Variants in CLVS1 observed in about 807,000 individuals in gnomAD.
The protein encoded by CLVS1 is clavesin 1, also known as clavesin-1.
Under a neutral mutation model 33.1 loss-of-function variants are expected in CLVS1, and 10 were observed. The observed-to-expected ratio is 0.30, with a 90% CI of 0.19 to 0.51. The LOEUF (loss-of-function observed/expected upper bound fraction) is 0.51. Ranked by LOEUF, CLVS1 falls within the 20% of genes least tolerant of loss-of-function variation. CLVS1 has a pLI of 0.97. For missense variants in CLVS1, 343 were observed against 433.4 expected (o/e 0.79, Z 1.85); for synonymous variants, 163 against 166.1 (o/e 0.98, Z 0.14).
At chr8:61,402,009 T>A (rs1283860358) in intron 3 of CLVS1, among the ~76,000 whole-genome samples, 1 of 152,124 alleles carries the variant, frequency 6.6e-6, no homozygotes, top group Non-Finnish European at 1.5e-5. Context: ...AAATTTCTTA[T>A]AGGCAAGGGC....
intron 5 of CLVS1, among the ~76,000 whole-genome samples, chr8:61,466,749 G>A (rs544053132): frequency 6.6e-6 from 1 of 152,176 alleles, no homozygotes; most frequent in South Asian, 2.1e-4. Flanking sequence ...CCGGGTTCAA[G>A]TGATTCTGCT....
chr8:61,327,869 T>C (rs1811441439), intron 2 of CLVS1, among the ~76,000 whole-genome samples: 1 of 152,170 alleles, frequency 6.6e-6, no homozygotes, highest in African/African-American at 2.4e-5. Context: ...TCAATCTGTA[T>C]GGATTCAATA....
chr8:60,999,799 C>A, the CLVS1 span, among the ~76,000 whole-genome samples: 1 of 152,176 alleles, frequency 6.6e-6, no homozygotes, highest in Non-Finnish European at 1.5e-5. Context: ...GGCTGTATAG[C>A]AGTACTCTTG....
chr8:61,121,098 G>A (rs1243448475), intron 1 of CLVS1, among the ~76,000 whole-genome samples: 2 of 151,836 alleles, frequency 1.3e-5, no homozygotes, highest in East Asian at 1.9e-4. Context: ...TAAGCCCGTG[G>A]GAAAAGCGCA....
intron 3 of CLVS1, among the ~76,000 whole-genome samples, chr8:61,423,016 C>A (rs1258032470): frequency 1.3e-5 from 2 of 152,158 alleles, no homozygotes; most frequent in African/African-American, 4.8e-5. Context: ...GAATGGACTG[C>A]TATTAGACTT....
At chr8:61,347,629 TATA>T (rs1812268586) in intron 2 of CLVS1, among the ~76,000 whole-genome samples, 14 of 544 alleles carry the variant, frequency 0.026, no homozygotes, top group Admixed American at 0.06. Context: ...CATTCCATTA[TATA>T]TATATATATA....
At chr8:61,116,082 T>C (rs1225560306) in intron 1 of CLVS1, among the ~76,000 whole-genome samples, 4 of 151,582 alleles carry the variant, frequency 2.6e-5, no homozygotes, top group African/African-American at 7.3e-5. Flanking sequence ...TGGTGTGAGA[T>C]GGTATCTCAT....
In CLVS1 at chr8:61,300,104, C is replaced by G; in HGVS notation, c.277C>G (p.Leu93Val). Residue 93 changes from leucine to valine, a missense_variant, in exon 2 of 6, where the codon CTC becomes GTC. Around this residue, in one of 4 missense-constraint regions of CLVS1, gnomAD observed 166 missense variants for 244.0 expected, o/e 0.68. Coordinates refer to ENST00000325897, the MANE Select transcript of CLVS1 (RefSeq NM_173519.3). Reference sequence around the variant, plus strand: ...GTTTCACCAAGCGGATGCCTTTAGACTCCTGGCTCAGTATTTCCAGTACCG... The same window carrying G: ...GTTTCACCAAGCGGATGCCTTTAGAGTCCTGGCTCAGTATTTCCAGTACCG... ...RKFHQADAFR[L>V]LAQYFQYRQL... is the part of the protein sequence containing the mutation. 1 of 1,614,034 alleles carries G rather than the reference C, an allele frequency of 6.2e-7. No individual in the cohort carries two copies. Among genetic ancestry groups the G allele is most frequent in the Non-Finnish European group, 8.5e-7 (1 of 1,179,978 alleles).
At chr8:61,077,174 C>T (rs1301487346) in intron 1 of CLVS1, among the ~76,000 whole-genome samples, 1 of 149,828 alleles carries the variant, frequency 6.7e-6, no homozygotes, top group African/African-American at 2.5e-5. Context: ...CCAGAGTTCA[C>T]GCCATTCTCC....
intron 2 of CLVS1, among the ~76,000 whole-genome samples, chr8:61,188,252 A>C (rs897474361): frequency 2.0e-5 from 3 of 152,204 alleles, no homozygotes; most frequent in African/African-American, 7.2e-5. Context: ...TCTTGAATTT[A>C]AATTAAGTTG....
At chr8:61,467,316 C>T (rs1409095021) in intron 5 of CLVS1, among the ~76,000 whole-genome samples, 1 of 152,152 alleles carries the variant, frequency 6.6e-6, no homozygotes, top group Non-Finnish European at 1.5e-5. Context: ...TGTTCTCAGA[C>T]GCGTCCTTTC....
intron 3 of CLVS1, among the ~76,000 whole-genome samples, chr8:61,416,771 A>G (rs1391043129): frequency 6.6e-6 from 1 of 152,206 alleles, no homozygotes; most frequent in Admixed American, 6.5e-5. Flanking sequence ...TCCTTGATGC[A>G]GTTGCCAGCT....
At chr8:61,351,930 C>CT (rs58401855) in intron 2 of CLVS1, among the ~76,000 whole-genome samples, 74,730 of 151,586 alleles carry the variant, frequency 0.49, 18,627 homozygotes, top group East Asian at 0.64. Flanking sequence ...TAAAAGCCGG[C>CT]AAAGAAATTT....
intron 2 of CLVS1, among the ~76,000 whole-genome samples, chr8:61,256,322 G>T (rs1809080996): frequency 6.6e-6 from 1 of 152,194 alleles, no homozygotes; most frequent in Non-Finnish European, 1.5e-5. Flanking sequence ...AGACCATCCT[G>T]GCTAACAGGG....
At chr8:60,996,853 C>T in the CLVS1 span, among the ~76,000 whole-genome samples, 1 of 152,108 alleles carries the variant, frequency 6.6e-6, no homozygotes, top group Admixed American at 6.5e-5. Context: ...ACATCCTGAC[C>T]TTCTCTGCTC....
At chr8:61,477,409 C>T (rs146009651) in intron 5 of CLVS1, among the ~76,000 whole-genome samples, 1 of 152,164 alleles carries the variant, frequency 6.6e-6, no homozygotes, top group East Asian at 1.9e-4. Flanking sequence ...GTAGAATTGA[C>T]CTGTGAATCC....
the CLVS1 span, among the ~76,000 whole-genome samples, chr8:61,032,077 AC>A: frequency 6.6e-6 from 1 of 152,222 alleles, no homozygotes; most frequent in Admixed American, 6.5e-5. Flanking sequence ...CAGTGTGGGA[AC>A]AGGTTGTACA....
At chr8:61,374,798 G>T (rs1813575862) in intron 2 of CLVS1, among the ~76,000 whole-genome samples, 1 of 152,138 alleles carries the variant, frequency 6.6e-6, no homozygotes, top group African/African-American at 2.4e-5. Context: ...TGCTTAGATA[G>T]TTGAAAGTGT....
intron 2 of CLVS1, among the ~76,000 whole-genome samples, chr8:61,175,685 G>A (rs1162108397): frequency 6.6e-6 from 1 of 152,176 alleles, no homozygotes; most frequent in African/African-American, 2.4e-5. Context: ...CATAAGCCAA[G>A]GAATGCCAAG....
Sources: gnomAD v4.1 joint callset for allele counts (sites outside exome capture counted in the v4.1 genomes callset) on GRCh38, gnomAD v4.1.1 for gene constraint, gnomAD v4.1.1 regional missense constraint, MANE v1.5 for transcripts, NCBI Gene and HGNC (gene_info 2026-07-23, HGNC 2026-07-21) for gene names.